IFT74: variants seen among roughly 807,000 people sequenced by gnomAD.
The protein encoded by IFT74 is intraflagellar transport protein 74 homolog.
In IFT74, 92 loss-of-function variants were observed where a neutral mutation model predicts 96.7. The observed-to-expected ratio is 0.95, with a 90% CI of 0.80 to 1.13. The LOEUF (loss-of-function observed/expected upper bound fraction) is 1.13. Ranked by LOEUF, IFT74 falls within the 50% of genes most tolerant of loss-of-function variation. The pLI, the probability that IFT74 is intolerant of heterozygous loss-of-function variation, is 0.00. For synonymous variants in IFT74, 223 were observed against 213.2 expected (o/e 1.05, Z -0.40); for missense variants, 811 against 698.2 (o/e 1.16, Z -1.82).
intron 14 of IFT74, among the ~76,000 whole-genome samples, chr9:27,046,059 C>T (rs992287532): frequency 6.6e-6 from 1 of 152,126 alleles, no homozygotes; most frequent in Non-Finnish European, 1.5e-5. Flanking sequence ...GGTCACCTAG[C>T]TCAGATTTCT....
At chr9:26,969,717 G>A (rs1336943034) in intron 2 of IFT74, among the ~76,000 whole-genome samples, 1 of 151,540 alleles carries the variant, frequency 6.6e-6, no homozygotes, top group Admixed American at 6.6e-5. Flanking sequence ...TGATTATTTT[G>A]TCCTCTTCCT....
chr9:26,997,745 G>T, intron 8 of IFT74: 1 of 1,603,556 alleles, frequency 6.2e-7, no homozygotes, highest in Non-Finnish European at 8.5e-7. Context: ...CACATTTGAT[G>T]TGTTCAACCA....
At chr9:27,017,121 G>A in intron 11 of IFT74, 71 bp downstream of exon 11, 3 of 1,308,256 alleles carry the variant, frequency 2.3e-6, no homozygotes, top group Non-Finnish European at 3.1e-6. Flanking sequence ...TTTTTTTAAA[G>A]GGATATTAAT....
chr9:26,973,629 T>C (rs1269296992), intron 2 of IFT74, among the ~76,000 whole-genome samples: 1 of 152,196 alleles, frequency 6.6e-6, no homozygotes, highest in Non-Finnish European at 1.5e-5. Context: ...ATAGATTAGT[T>C]CCCACCTCAG....
In IFT74 at chr9:26,988,739, TTA is replaced by T. The variant is rs763605618; in HGVS notation, c.525+14_525+15del. On this transcript the variant is annotated intron_variant, in intron 7 of 19. Coordinates refer to ENST00000380062, the MANE Select transcript of IFT74 (RefSeq NM_025103.4). Reference sequence around the variant, plus strand: ...AATGATTACAATATGGTAAGAAAATTTATAAAAGCAAATTGATCTATGTAAGT... The same window carrying T: ...AATGATTACAATATGGTAAGAAAATTTAAAAGCAAATTGATCTATGTAAGT... The T allele has an allele frequency of 3.3e-6, 5 of 1,518,276 alleles. No homozygotes were observed. Among genetic ancestry groups the T allele is most frequent in the African/African-American group, 2.8e-5 (2 of 71,626 alleles). The allele number at this position is 1,518,276 out of a possible 1,614,324, so 94.1% of individuals were successfully genotyped here. A position where few individuals can be genotyped will look rare whatever the true frequency, so the allele number is the denominator to read the frequency against.
At chr9:27,016,839 T>G in intron 10 of IFT74, 68 bp from the exon 11 acceptor site, 1 of 1,295,570 alleles carries the variant, frequency 7.7e-7, no homozygotes, top group Non-Finnish European at 1.1e-6. Context: ...TCTTATAAAC[T>G]GAAACCTATT....
intron 13 of IFT74, among the ~76,000 whole-genome samples, chr9:27,040,322 G>C (rs980110025): frequency 4.6e-5 from 7 of 152,004 alleles, no homozygotes; most frequent in African/African-American, 9.7e-5. Context: ...AGGCTGAAGT[G>C]GGGGGATCAC....
Position 27,009,971 on chromosome 9 carries a change from A to AT in IFT74, c.726+826dup, listed in dbSNP as rs372186445. On this transcript the variant is annotated intron_variant, in intron 9 of 19. Transcript: ENST00000380062. ...TTGGCATTTTTTTTGTGCTGGAAAC[A>AT]TTTTTTTTTTTTTAATTTAAAAAAA... Among the ~76,000 whole-genome samples, 100 of 144,752 alleles carry AT rather than the reference A, an allele frequency of 6.9e-4. 1 individual carries two copies. In the East Asian group the frequency reaches 0.013, roughly 19 times the overall value. 95.0% of individuals were successfully genotyped at this position (144,752 alleles called of 152,430 possible). A position where few individuals can be genotyped will look rare whatever the true frequency, so the allele number is the denominator to read the frequency against.
chr9:26,968,540 G>A (rs1020315751), intron 2 of IFT74, among the ~76,000 whole-genome samples: 6 of 152,168 alleles, frequency 3.9e-5, no homozygotes, highest in Non-Finnish European at 8.8e-5. Context: ...GATTACAGGC[G>A]TGAGCCACCT....
intron 8 of IFT74, among the ~76,000 whole-genome samples, chr9:27,001,704 A>G (rs1366170207): frequency 6.6e-6 from 1 of 151,960 alleles, no homozygotes; most frequent in Admixed American, 6.6e-5. Flanking sequence ...AGCTCTTTAT[A>G]TCTTCTGATT....
At chr9:26,982,363 A>T (rs1318200705) in intron 4 of IFT74, 2 of 444,604 alleles carry the variant, frequency 4.5e-6, no homozygotes, top group East Asian at 7.5e-5. Flanking sequence ...GCCTGGATTC[A>T]AGTGATTCTC....
intron 9 of IFT74, among the ~76,000 whole-genome samples, chr9:27,011,629 T>C (rs1829081158): frequency 6.6e-6 from 1 of 151,166 alleles, no homozygotes; most frequent in Admixed American, 6.6e-5. Context: ...CTAGCTACTT[T>C]TGAGAAACTC....
At chr9:26,973,865 C>T (rs1826983179) in intron 2 of IFT74, among the ~76,000 whole-genome samples, 1 of 152,168 alleles carries the variant, frequency 6.6e-6, no homozygotes, top group African/African-American at 2.4e-5. Context: ...TCAAGAGCTC[C>T]TGGTGGGACT....
chr9:27,051,953 A>G (rs1337582763), intron 16 of IFT74, among the ~76,000 whole-genome samples: 1 of 152,154 alleles, frequency 6.6e-6, no homozygotes, highest in African/African-American at 2.4e-5. Flanking sequence ...TCTCTTTTCT[A>G]TAAACTAAAT....
chr9:27,045,854 A>C (rs1348988429), intron 14 of IFT74, among the ~76,000 whole-genome samples: 1 of 152,166 alleles, frequency 6.6e-6, no homozygotes, highest in African/African-American at 2.4e-5. Context: ...TATCTCAAAA[A>C]TATTTTTTTA....
chr9:27,056,704 T>G (rs1405709114), intron 18 of IFT74, among the ~76,000 whole-genome samples: 4 of 151,984 alleles, frequency 2.6e-5, no homozygotes, highest in Non-Finnish European at 5.9e-5. Flanking sequence ...ATATATGGGG[T>G]AGTATATTTT....
upstream of IFT74, chr9:26,956,273 G>A (rs1826087231): frequency 6.6e-6 from 1 of 152,246 alleles, no homozygotes; most frequent in Non-Finnish European, 1.5e-5. Context: ...GCACTGAAGC[G>A]TGGTGAAGAA....
chr9:27,015,280 A>G (rs1469056379), intron 10 of IFT74, among the ~76,000 whole-genome samples: 2 of 152,028 alleles, frequency 1.3e-5, no homozygotes, highest in African/African-American at 4.8e-5. Context: ...TTGCTTATGG[A>G]CTTTGAAAAA....
At chr9:26,948,448 A>ATTATTT (rs1825819541) in intron 1 of IFT74, among the ~76,000 whole-genome samples, 7 of 59,166 alleles carry the variant, frequency 1.2e-4, no homozygotes, top group Middle Eastern at 0.014. Flanking sequence ...GCTTTCCATT[A>ATTATTT]TTTTTTTTTT....
Sources: allele counts gnomAD v4.1 joint callset (sites outside exome capture counted in the v4.1 genomes callset), GRCh38; gene constraint gnomAD v4.1.1; transcripts MANE v1.5; gene names NCBI Gene and HGNC (gene_info 2026-07-23, HGNC 2026-07-21).